NALCN: variants seen among roughly 807,000 people sequenced by gnomAD.
NALCN encodes sodium leak channel NALCN.
NALCN carries 111 observed loss-of-function variants against 225.3 expected under a neutral mutation model. That is an observed-to-expected ratio of 0.49 (90% CI 0.42 to 0.58). The LOEUF (loss-of-function observed/expected upper bound fraction) is 0.58, where lower values mean the gene tolerates loss of function less well. Ranked by LOEUF, NALCN falls within the 20% of genes least tolerant of loss-of-function variation. NALCN has a pLI of 0.00. For missense variants in NALCN, 1,378 were observed against 2,202.4 expected (o/e 0.63, Z 7.49); for synonymous variants, 764 against 769.0 (o/e 0.99, Z 0.11).
intron 17 of NALCN, among the ~76,000 whole-genome samples, chr13:101,136,696 G>T (rs572108059): frequency 6.6e-6 from 1 of 152,180 alleles, no homozygotes; most frequent in African/African-American, 2.4e-5. Context: ...TCTTAATCCA[G>T]TCTATCATTG....
chr13:101,336,630 G>A (rs904715667), intron 7 of NALCN, among the ~76,000 whole-genome samples: 1 of 152,098 alleles, frequency 6.6e-6, no homozygotes, highest in Admixed American at 6.6e-5. Flanking sequence ...ATATTTTAAG[G>A]AGGATATATA....
In NALCN at chr13:101,310,939, A is replaced by G. The variant is rs373710024; in HGVS notation, c.800-18573T>C. ...GATGGGGATGGCACTGAATCTGTAA[A>G]TTACCATGGGCAGTGTGGCCATTTT... On this transcript the variant is annotated intron_variant, in intron 7 of 43. Coordinates refer to ENST00000251127, the MANE Select transcript of NALCN (RefSeq NM_052867.4). Among the ~76,000 whole-genome samples, 9 of 152,150 alleles carry G rather than the reference A, an allele frequency of 5.9e-5. 1 individual carries two copies. The highest frequency in any genetic ancestry group is 3.3e-4 in the Admixed American group (5 of 15,288).
intron 30 of NALCN, among the ~76,000 whole-genome samples, chr13:101,086,740 C>T (rs147714554): frequency 0.014 from 2,124 of 152,022 alleles, 50 homozygotes; most frequent in African/African-American, 0.049. Flanking sequence ...GATTTTCTAG[C>T]TTCTTTTTAC....
intron 13 of NALCN, among the ~76,000 whole-genome samples, chr13:101,199,568 A>G (rs1239534213): frequency 1.4e-5 from 2 of 144,348 alleles, no homozygotes; most frequent in African/African-American, 5.1e-5. Flanking sequence ...CAAACACCGC[A>G]TGTTCTCACT....
chr13:101,112,965 G>T (rs534010488), intron 18 of NALCN, among the ~76,000 whole-genome samples: 5 of 151,872 alleles, frequency 3.3e-5, no homozygotes, highest in South Asian at 4.2e-4. Context: ...CATTATATAA[G>T]AACTTACTAA....
chr13:101,282,296 T>C (rs2043192667), intron 10 of NALCN, among the ~76,000 whole-genome samples: 1 of 152,014 alleles, frequency 6.6e-6, no homozygotes, highest in Non-Finnish European at 1.5e-5. Context: ...AAATGTGGTA[T>C]AGACATACAA....
chr13:101,140,487 T>G (rs561584290), intron 17 of NALCN, among the ~76,000 whole-genome samples: 1 of 152,326 alleles, frequency 6.6e-6, no homozygotes, highest in African/African-American at 2.4e-5. Flanking sequence ...TTTGTGACTT[T>G]GGCCATAATG....
At chr13:101,174,160 T>A (rs915996808) in intron 15 of NALCN, among the ~76,000 whole-genome samples, 2 of 152,138 alleles carry the variant, frequency 1.3e-5, no homozygotes, top group African/African-American at 4.8e-5. Flanking sequence ...AAGTATGAAA[T>A]TAATAGAAGA....
intron 7 of NALCN, among the ~76,000 whole-genome samples, chr13:101,299,316 C>T (rs1425156439): frequency 2.6e-5 from 4 of 152,208 alleles, no homozygotes; most frequent in Admixed American, 6.5e-5. Context: ...TAATTAAAAT[C>T]GAAAATAAAT....
At chr13:101,082,769 T>A in intron 33 of NALCN, 40 bp downstream of exon 33, 1 of 1,602,354 alleles carries the variant, frequency 6.2e-7, no homozygotes, top group Non-Finnish European at 8.6e-7. Flanking sequence ...TTTAAAACTG[T>A]GCACAGATTC....
rs144101174 is a variant in NALCN, at chr13:101,316,982, T to C, written c.800-24616A>G. Among the ~76,000 whole-genome samples the C allele has an allele frequency of 8.1e-3, 1,231 of 152,298 alleles. 11 individuals are homozygous for C. The highest frequency in any genetic ancestry group is 0.012 in the Admixed American group (186 of 15,306). On this transcript the variant is annotated intron_variant, in intron 7 of 43. Coordinates refer to ENST00000251127, the MANE Select transcript of NALCN (RefSeq NM_052867.4). ...TAAAAATAAATCTATAATTACCTTG[T>C]ATACTTAACCTTAATTTTCCAGCTA...
intron 9 of NALCN, among the ~76,000 whole-genome samples, chr13:101,290,682 G>C (rs964832766): frequency 6.6e-6 from 1 of 152,084 alleles, no homozygotes; most frequent in Non-Finnish European, 1.5e-5. Flanking sequence ...ACACCACCAG[G>C]CTTTTCCCAA....
intron 7 of NALCN, among the ~76,000 whole-genome samples, chr13:101,332,422 G>GAAAAAAAAAAAAAAAAAAA (rs1226305613): frequency 1.3e-5 from 1 of 78,816 alleles, no homozygotes; most frequent in African/African-American, 5.2e-5. Context: ...AAAAAAAAAG[G>GAAAAAAAAAAAAAAAAAAA]AAAGCCTTAA....
chr13:101,066,184 G>T (rs563123694), intron 39 of NALCN, among the ~76,000 whole-genome samples: 19 of 151,932 alleles, frequency 1.3e-4, no homozygotes, highest in Non-Finnish European at 1.2e-4. Context: ...AAATTACCCG[G>T]ACATAGTGGT....
At chr13:101,103,553 G>A (rs2034940184) in intron 25 of NALCN, among the ~76,000 whole-genome samples, 1 of 99,330 alleles carries the variant, frequency 1.0e-5, no homozygotes, top group South Asian at 3.8e-4. Flanking sequence ...AAATGGGGGT[G>A]TCCACACCGT....
chr13:101,263,192 C>A (rs1487238828), intron 10 of NALCN, among the ~76,000 whole-genome samples: 2 of 152,176 alleles, frequency 1.3e-5, no homozygotes, highest in African/African-American at 4.8e-5. Flanking sequence ...TGATGCATAT[C>A]CGTTTCCCTT....
intron 6 of NALCN, among the ~76,000 whole-genome samples, chr13:101,375,801 G>T (rs1056592949): frequency 6.6e-6 from 1 of 152,036 alleles, no homozygotes; most frequent in Non-Finnish European, 1.5e-5. Flanking sequence ...CTGAAATCTG[G>T]CATAGTCATA....
intron 13 of NALCN, among the ~76,000 whole-genome samples, chr13:101,222,162 A>G (rs1272907043): frequency 2.0e-5 from 3 of 152,150 alleles, no homozygotes; most frequent in Non-Finnish European, 4.4e-5. Flanking sequence ...ACTAGACCCC[A>G]TTTATAAAAT....
chr13:101,291,597 G>C (rs1038034459), intron 9 of NALCN, among the ~76,000 whole-genome samples: 1 of 151,988 alleles, frequency 6.6e-6, no homozygotes, highest in Non-Finnish European at 1.5e-5. Flanking sequence ...ACCCAGGCTG[G>C]GGTGCAGTGT....
Sources: gnomAD v4.1 joint callset for allele counts (sites outside exome capture counted in the v4.1 genomes callset) on GRCh38, gnomAD v4.1.1 for gene constraint, MANE v1.5 for transcripts, NCBI Gene and HGNC (gene_info 2026-07-23, HGNC 2026-07-21) for gene names.